The following ADAMTS18 variants were observed in gnomAD, a reference collection of about 807,000 sequenced individuals.
ADAMTS18 encodes the protein A disintegrin and metalloproteinase with thrombospondin motifs 18.
Under a neutral mutation model 165.9 loss-of-function variants are expected in ADAMTS18, and 157 were observed. The ratio of observed to expected loss-of-function variants is 0.95; its 90% CI spans 0.83 to 1.08. The LOEUF (loss-of-function observed/expected upper bound fraction) is 1.08, where lower values mean the gene tolerates loss of function less well. Ranked by LOEUF, ADAMTS18 falls within the 50% of genes least tolerant of loss-of-function variation. ADAMTS18 has a pLI of 0.00. For synonymous variants in ADAMTS18, 782 were observed against 578.2 expected (o/e 1.35, Z -5.06); for missense variants, 2,040 against 1,534.0 (o/e 1.33, Z -5.51).
chr16:77,406,250 A>G (rs1470247341), intron 3 of ADAMTS18, among the ~76,000 whole-genome samples: 1 of 152,166 alleles, frequency 6.6e-6, no homozygotes, highest in Non-Finnish European at 1.5e-5. Context: ...AAAAAAAGAG[A>G]AAAATCATAT....
chr16:77,289,528 G>T, intron 21 of ADAMTS18, 117 bp from the exon 22 acceptor site: 1 of 1,249,082 alleles, frequency 8.0e-7, no homozygotes, highest in Non-Finnish European at 1.1e-6. Context: ...GAAACAGATT[G>T]GCTGGAGCCA....
chr16:77,363,713 G>A (rs1344042483), intron 6 of ADAMTS18, 89 bp downstream of exon 6: 3 of 1,217,804 alleles, frequency 2.5e-6, no homozygotes, highest in Non-Finnish European at 3.6e-6. Flanking sequence ...CTAACGACTA[G>A]TACATGGATT....
chr16:77,395,566 G>T (rs546995279), intron 3 of ADAMTS18, among the ~76,000 whole-genome samples: 1 of 152,216 alleles, frequency 6.6e-6, no homozygotes, highest in Non-Finnish European at 1.5e-5. Flanking sequence ...TAACTTCATA[G>T]CACTATGCTC....
chr16:77,287,034 T>C (rs1293047964), intron 22 of ADAMTS18, among the ~76,000 whole-genome samples: 1 of 152,076 alleles, frequency 6.6e-6, no homozygotes, highest in African/African-American at 2.4e-5. Context: ...CAAAGCTGTT[T>C]GGTGACACTG....
chr16:77,397,684 C>T (rs2057276087), intron 3 of ADAMTS18, among the ~76,000 whole-genome samples: 1 of 152,214 alleles, frequency 6.6e-6, no homozygotes, highest in Non-Finnish European at 1.5e-5. Context: ...TGGTAGCAGA[C>T]ATGTGCTTTG....
chr16:77,344,744 A>G (rs200296888), intron 10 of ADAMTS18, among the ~76,000 whole-genome samples: 1 of 43,074 alleles, frequency 2.3e-5, no homozygotes, highest in East Asian at 9.8e-3. Context: ...AAAGCAAAAC[A>G]AAAAAAAAAA....
chr16:77,435,022 G>C lies in ADAMTS18; in HGVS notation c.-327C>G, dbSNP rs1037060330. 4.7e-6 allele frequency: 1 copy of C among 214,548 alleles called. No individual in the cohort carries two copies. The highest frequency in any genetic ancestry group is 9.2e-6 in the Non-Finnish European group (1 of 109,158). The allele number at this position is 214,548 out of a possible 1,614,324, so 13.3% of individuals were successfully genotyped here. On this transcript the variant is annotated 5_prime_UTR_variant, in exon 1 of 23. Coordinates refer to ENST00000282849, the MANE Select transcript of ADAMTS18 (RefSeq NM_199355.4). ...GCCCGTCTGTGCGTCTGTCTGTGTC[G>C]GTGTGAGCGTCTGAGGCGATGGGGA...
At position 77,289,229 on chromosome 16, in the gene ADAMTS18, C is replaced by T. The variant is rs573267134; in HGVS notation, c.3550+35G>A. The T allele has an allele frequency of 1.2e-5, 20 of 1,613,118 alleles. No homozygotes were observed. The African/African-American group carries it at 2.1e-4, about 17-fold the overall frequency. ...AGCCTTTGAAAAAATTATCTAAAGACTAGTAAAGTTGACTGGAGCATGGTG... is the reference window on the plus strand; with the variant it reads ...AGCCTTTGAAAAAATTATCTAAAGATTAGTAAAGTTGACTGGAGCATGGTG... On this transcript the variant is annotated intron_variant, in intron 22 of 22. Coordinates refer to ENST00000282849, the MANE Select transcript of ADAMTS18 (RefSeq NM_199355.4).
intron 3 of ADAMTS18, among the ~76,000 whole-genome samples, chr16:77,387,545 T>G (rs1361555743): frequency 2.6e-5 from 4 of 152,168 alleles, no homozygotes; most frequent in Non-Finnish European, 4.4e-5. Flanking sequence ...CACTGCAAAT[T>G]ACTCCATATC....
At chr16:77,385,062 C>T (rs2057087636) in intron 3 of ADAMTS18, among the ~76,000 whole-genome samples, 1 of 152,014 alleles carries the variant, frequency 6.6e-6, no homozygotes, top group African/African-American at 2.4e-5. Context: ...ACGTGCACCA[C>T]CATGCCTGTC....
chr16:77,290,401 C>T (rs1477284243), intron 21 of ADAMTS18: 3 of 152,070 alleles, frequency 2.0e-5, no homozygotes, highest in Non-Finnish European at 4.4e-5. Flanking sequence ...GTTTGCTGAC[C>T]CCTTAATCTA....
chr16:77,329,401 C>G (rs149365548), intron 12 of ADAMTS18, among the ~76,000 whole-genome samples: 1 of 152,136 alleles, frequency 6.6e-6, no homozygotes, highest in Non-Finnish European at 1.5e-5. Flanking sequence ...TCAAACATGG[C>G]CAGACCCTGA....
At chr16:77,311,965 T>C (rs548318228) in intron 16 of ADAMTS18, among the ~76,000 whole-genome samples, 3 of 152,332 alleles carry the variant, frequency 2.0e-5, no homozygotes, top group Admixed American at 6.5e-5. Context: ...ACTGGAGATA[T>C]TGCTGTAGTT....
chr16:77,296,350 T>C (rs546516116), intron 18 of ADAMTS18, among the ~76,000 whole-genome samples: 26 of 152,284 alleles, frequency 1.7e-4, no homozygotes, highest in African/African-American at 6.3e-4. Context: ...TACCCCATTC[T>C]TTTTATTTTG....
chr16:77,317,332 G>C (rs1477499953), intron 16 of ADAMTS18, among the ~76,000 whole-genome samples: 1 of 152,122 alleles, frequency 6.6e-6, no homozygotes, highest in Non-Finnish European at 1.5e-5. Context: ...GAGGAACGCA[G>C]TGATTTCTTT....
chr16:77,404,698 A>G (rs1412589113), intron 3 of ADAMTS18, among the ~76,000 whole-genome samples: 2 of 152,030 alleles, frequency 1.3e-5, no homozygotes, highest in Non-Finnish European at 2.9e-5. Context: ...CTTGTTTTCT[A>G]ATGTATTTCT....
chr16:77,285,141 T>C (rs2055223364), intron 22 of ADAMTS18, among the ~76,000 whole-genome samples: 1 of 152,156 alleles, frequency 6.6e-6, no homozygotes, highest in African/African-American at 2.4e-5. Flanking sequence ...TATGTAAACA[T>C]AAGTGCATGT....
chr16:77,341,312 G>A (rs1195714384), intron 11 of ADAMTS18, among the ~76,000 whole-genome samples: 1 of 152,094 alleles, frequency 6.6e-6, no homozygotes, highest in Non-Finnish European at 1.5e-5. Flanking sequence ...CCTGTGAGTT[G>A]AGCTGAGTAG....
chr16:77,320,431 G>C, intron 15 of ADAMTS18, among the ~76,000 whole-genome samples: 1 of 152,130 alleles, frequency 6.6e-6, no homozygotes, highest in East Asian at 1.9e-4. Flanking sequence ...CCAAGGTCAG[G>C]AGTTTGAGAC....
Sources: allele counts gnomAD v4.1 joint callset (sites outside exome capture counted in the v4.1 genomes callset), GRCh38; gene constraint gnomAD v4.1.1; transcripts MANE v1.5; gene names NCBI Gene and HGNC (gene_info 2026-07-23, HGNC 2026-07-21).